ARL6: variants seen among roughly 807,000 people sequenced by gnomAD.
ARL6 encodes ARF like GTPase 6.
In ARL6, 18 loss-of-function variants were observed where a neutral mutation model predicts 27.1. That is an observed-to-expected ratio of 0.66 (90% CI 0.46 to 0.98). The LOEUF (loss-of-function observed/expected upper bound fraction) is 0.98, where lower values mean the gene tolerates loss of function less well. ARL6 is among the 50% of genes least tolerant of loss of function. The pLI, the probability that ARL6 is intolerant of heterozygous loss-of-function variation, is 0.00. For missense variants in ARL6, 187 were observed against 214.9 expected (o/e 0.87, Z 0.81); for synonymous variants, 65 against 72.3 (o/e 0.90, Z 0.51).
Position 97,788,092 on chromosome 3 carries a change from A to C in ARL6, c.452A>C (p.Asn151Thr). ...GTGTCTCAGTTGCTGTGTTTAGAGA[A>C]CATCAAAGATAAACCCTGGCATATT... The part of the protein sequence containing the change: ...VKVSQLLCLE[N>T]IKDKPWHICA... Residue 151 changes from asparagine to threonine, a missense_variant, in exon 6 of 8, where the codon AAC (asparagine) becomes ACC (threonine). Asn to Thr is a moderately conservative substitution (Grantham distance 65, BLOSUM62 0). Transcript: ENST00000463745. 6.2e-7 allele frequency: 1 copy of C among 1,613,282 alleles called. No individual in the cohort carries two copies. The highest frequency in any genetic ancestry group is 8.5e-7 in the Non-Finnish European group (1 of 1,179,610).
chr3:97,770,895 C>G (rs1399729169), intron 2 of ARL6, among the ~76,000 whole-genome samples: 1 of 151,930 alleles, frequency 6.6e-6, no homozygotes, highest in Non-Finnish European at 1.5e-5. Context: ...GTGTTTATGC[C>G]AAAACTATGC....
chr3:97,766,858 A>G (rs2107971739), intron 1 of ARL6, among the ~76,000 whole-genome samples: 1 of 152,286 alleles, frequency 6.6e-6, no homozygotes, highest in East Asian at 1.9e-4. Flanking sequence ...GTACATAGAT[A>G]TATTGTAGCA....
intron 6 of ARL6, among the ~76,000 whole-genome samples, chr3:97,789,431 G>A (rs1209750990): frequency 2.0e-5 from 3 of 152,044 alleles, no homozygotes; most frequent in Admixed American, 6.6e-5. Flanking sequence ...GAAAGTGCAC[G>A]TTTAAAAACA....
At chr3:97,791,659 G>C (rs995625931) in intron 6 of ARL6, 112 bp from the exon 7 acceptor site, 1 of 919,434 alleles carries the variant, frequency 1.1e-6, no homozygotes, top group African/African-American at 1.7e-5. Flanking sequence ...GTTTTGCTCA[G>C]ATATATGTTG....
rs996840002 is a variant in ARL6 at position 97,800,609 on chromosome 3, A to T, written c.*2560A>T. 6.6e-6 allele frequency: 1 copy of T among 152,146 alleles called. No individual in the cohort carries two copies. 9.4% of individuals were successfully genotyped at this position (152,146 alleles called of 1,614,324 possible). A position where few individuals can be genotyped will look rare whatever the true frequency, so the allele number is the denominator to read the frequency against. On this transcript the variant is annotated 3_prime_UTR_variant, in exon 8 of 8. Coordinates refer to ENST00000463745, the MANE Select transcript of ARL6 (RefSeq NM_001278293.3). ...CGAAAAAGTTACAAATTGTCTCCTT[A>T]AGATATTTTTTCTTTGTAATTTTTT...
intron 7 of ARL6, among the ~76,000 whole-genome samples, chr3:97,795,415 A>G (rs1030209572): frequency 1.6e-4 from 24 of 152,324 alleles, no homozygotes; most frequent in Admixed American, 1.0e-3. Flanking sequence ...TATTAGACTT[A>G]CAAACTATGC....
chr3:97,787,591 A>G (rs1335506114), intron 5 of ARL6, among the ~76,000 whole-genome samples: 1 of 152,194 alleles, frequency 6.6e-6, no homozygotes, highest in African/African-American at 2.4e-5. Context: ...TACTTATGAT[A>G]TTGTGACAAA....
chr3:97,783,722 A>T (rs1232941817), intron 4 of ARL6, among the ~76,000 whole-genome samples: 1 of 151,818 alleles, frequency 6.6e-6, no homozygotes, highest in African/African-American at 2.4e-5. Flanking sequence ...ATATCATTTG[A>T]TTATTAATCA....
At chr3:97,787,708 G>C (rs1228627012) in intron 5 of ARL6, among the ~76,000 whole-genome samples, 1 of 151,948 alleles carries the variant, frequency 6.6e-6, no homozygotes, top group Non-Finnish European at 1.5e-5. Flanking sequence ...CTTTTTTGTA[G>C]GTACTTCTCT....
chr3:97,780,766 G>A, intron 4 of ARL6, 83 bp downstream of exon 4: 1 of 1,064,688 alleles, frequency 9.4e-7, no homozygotes, highest in Non-Finnish European at 1.4e-6. Context: ...ATATGGCTAG[G>A]TTGTTTGGCT....
intron 6 of ARL6, among the ~76,000 whole-genome samples, chr3:97,790,575 T>C (rs1297221072): frequency 2.0e-5 from 3 of 152,168 alleles, no homozygotes; most frequent in African/African-American, 7.2e-5. Context: ...AGGGTTTCAT[T>C]GTATTAATTG....
At position 97,794,199 on chromosome 3, in the gene ARL6, G is replaced by GTGTA. The variant is rs1228831519; in HGVS notation, c.535+2376_535+2377insATGT. Among the ~76,000 whole-genome samples the GTGTA allele has an allele frequency of 2.0e-5, 3 of 151,052 alleles. No individual in the cohort carries two copies. The East Asian group carries it at 5.8e-4, about 29-fold the overall frequency. On this transcript the variant is annotated intron_variant, in intron 7 of 7. Coordinates refer to ENST00000463745, the MANE Select transcript of ARL6 (RefSeq NM_001278293.3). ...CTTTTGTGTGTGTGTGTGTGTGTGT[G>GTGTA]TGTGTGTGTGTGTGTGTGTTTTTGA...
intron 6 of ARL6, among the ~76,000 whole-genome samples, chr3:97,790,982 C>G (rs932577980): frequency 3.3e-5 from 5 of 151,890 alleles, no homozygotes; most frequent in Admixed American, 2.6e-4. Context: ...AGAAACTGTA[C>G]CTTTTAAAAA....
intron 4 of ARL6, among the ~76,000 whole-genome samples, chr3:97,781,423 C>T (rs1358934408): frequency 6.6e-6 from 1 of 152,052 alleles, no homozygotes; most frequent in Non-Finnish European, 1.5e-5. Flanking sequence ...AAAAGCAAAA[C>T]TTAAATTGCC....
At chr3:97,774,605 T>G (rs577561804) in intron 2 of ARL6, among the ~76,000 whole-genome samples, 3 of 152,210 alleles carry the variant, frequency 2.0e-5, no homozygotes, top group Non-Finnish European at 4.4e-5. Flanking sequence ...TTCATCAGGG[T>G]CCTCCCACAC....
chr3:97,786,165 A>G (rs1489787454), intron 5 of ARL6, among the ~76,000 whole-genome samples: 1 of 152,072 alleles, frequency 6.6e-6, no homozygotes, highest in Non-Finnish European at 1.5e-5. Flanking sequence ...AGCCTGGCCA[A>G]CATGGTGAAA....
At chr3:97,785,953 A>G (rs2037437408) in intron 5 of ARL6, among the ~76,000 whole-genome samples, 1 of 152,222 alleles carries the variant, frequency 6.6e-6, no homozygotes, top group Non-Finnish European at 1.5e-5. Flanking sequence ...GCTTAACCAC[A>G]ATATCTTTGG....
chr3:97,782,613 A>C (rs1358826251), intron 4 of ARL6, among the ~76,000 whole-genome samples: 1 of 151,874 alleles, frequency 6.6e-6, no homozygotes, highest in African/African-American at 2.4e-5. Context: ...TATCTTTTTC[A>C]GGGTAATTTA....
At position 97,768,112 on chromosome 3, in the gene ARL6, G is replaced by A; in HGVS notation, c.5G>A (p.Gly2Glu). Residue 2 changes from glycine (G) to glutamate (E), a missense_variant, in exon 2 of 8, where the codon GGA becomes GAA. By Grantham distance (98) the Gly-to-Glu change is moderately conservative (BLOSUM62 -2). Transcript: ENST00000463745. M[G>E]LLDRLSVLLG... ...TGTAAATATTTGAATCACATTATGGGATTGCTAGACAGACTTTCAGTCTTG... is the reference window on the plus strand; with the variant it reads ...TGTAAATATTTGAATCACATTATGGAATTGCTAGACAGACTTTCAGTCTTG... The A allele has an allele frequency of 6.2e-7, 1 of 1,612,800 alleles. No individual in the cohort carries two copies. Among genetic ancestry groups the A allele is most frequent in the Non-Finnish European group, 8.5e-7 (1 of 1,179,036 alleles).
Sources: gnomAD v4.1 joint callset for allele counts (sites outside exome capture counted in the v4.1 genomes callset) on GRCh38, gnomAD v4.1.1 for gene constraint, MANE v1.5 for transcripts, NCBI Gene and HGNC (gene_info 2026-07-23, HGNC 2026-07-21) for gene names.